Variants in TEX11 observed in about 807,000 individuals in gnomAD.
TEX11 encodes testis-expressed protein 11.
A neutral mutation model predicts 84.4 loss-of-function variants in TEX11; 7 were observed. That is an observed-to-expected ratio of 0.08 (90% CI 0.05 to 0.16). The LOEUF (loss-of-function observed/expected upper bound fraction) is 0.16, where lower values mean the gene tolerates loss of function less well. Ranked by LOEUF, TEX11 falls within the 10% of genes least tolerant of loss-of-function variation. The probability of loss-of-function intolerance (pLI) is 1.00; values close to 1 mark genes in which losing one functional copy is unlikely to be tolerated. For missense variants in TEX11, 551 were observed against 660.5 expected (o/e 0.83, Z 1.82); for synonymous variants, 264 against 222.8 (o/e 1.18, Z -1.64).
chrX:70,724,606 T>C (rs1040266821), intron 12 of TEX11, among the ~76,000 whole-genome samples: 1 of 111,442 alleles, frequency 9.0e-6, no homozygotes, highest in Non-Finnish European at 1.9e-5. Context: ...CTAGTGTGCA[T>C]AGTTTTGCTT....
In TEX11 at chrX:70,762,124, A is replaced by T. The variant is rs1348122119; in HGVS notation, c.693-17905T>A. On this transcript the variant is annotated intron_variant, in intron 9 of 29. Transcript: ENST00000374333. ...AGACAAACAAAAGCTGAGGAATTTC[A>T]TGAACACCAGACCTGTCCTGCAAGA... 5.4e-5 allele frequency among the ~76,000 whole-genome samples: 6 copies of T among 112,086 alleles called. No homozygotes were observed. The Admixed American group carries it at 5.7e-4, about 11-fold the overall frequency.
intron 16 of TEX11, among the ~76,000 whole-genome samples, chrX:70,657,146 AC>A (rs1171231704): frequency 8.9e-6 from 1 of 112,079 alleles, no homozygotes; most frequent in Non-Finnish European, 1.9e-5. Flanking sequence ...AATTTTTATA[AC>A]TTTATTTAAT....
chrX:70,599,041 T>C (rs1411200636), intron 24 of TEX11, among the ~76,000 whole-genome samples: 1 of 111,756 alleles, frequency 8.9e-6, no homozygotes. Context: ...GGGTGAATTA[T>C]AAGGTATGTG....
chrX:70,732,529 C>A (rs1338518810), intron 11 of TEX11, among the ~76,000 whole-genome samples: 1 of 111,617 alleles, frequency 9.0e-6, no homozygotes, highest in Non-Finnish European at 1.9e-5. Context: ...AGAGCCAAAT[C>A]ATGAGTGAAC....
At chrX:70,758,834 G>C (rs1237374566) in intron 9 of TEX11, among the ~76,000 whole-genome samples, 1 of 111,359 alleles carries the variant, frequency 9.0e-6, no homozygotes, top group African/African-American at 3.3e-5. Context: ...CCAGGAGCTG[G>C]TTTCTTGAAA....
chrX:70,574,664 T>C (rs73216776), intron 25 of TEX11, among the ~76,000 whole-genome samples: 14,083 of 111,315 alleles, frequency 0.13, 721 homozygotes, highest in Middle Eastern at 0.19. Context: ...TTAGGAGGTA[T>C]GGATAAAGAA....
intron 8 of TEX11, among the ~76,000 whole-genome samples, chrX:70,814,048 T>C (rs2091273275): frequency 9.0e-6 from 1 of 111,587 alleles, no homozygotes; most frequent in African/African-American, 3.3e-5. Flanking sequence ...ATAGATTCAA[T>C]GCCATCCCCA....
At position 70,529,708 on chromosome X, in the gene TEX11, T is replaced by C. The variant is rs1316125541; in HGVS notation, c.2685+127A>G. On this transcript the variant is annotated intron_variant, in intron 29 of 29. Coordinates refer to ENST00000374333, the MANE Select transcript of TEX11 (RefSeq NM_031276.3). ...TGATTCTTGAAGTTATGTGGAACCA[T>C]TGAGAGGAACAATGAGCAAGATCCT... 10 of 686,901 alleles carry C rather than the reference T, an allele frequency of 1.5e-5. No homozygotes were observed. In the African/African-American group the frequency reaches 1.5e-4, roughly 11 times the overall value. The allele number at this position is 686,901 out of a possible 1,213,427, so 56.6% of individuals were successfully genotyped here.
At chrX:70,804,987 T>C (rs2147806811) in intron 9 of TEX11, among the ~76,000 whole-genome samples, 1 of 102,581 alleles carries the variant, frequency 9.7e-6, no homozygotes, top group Admixed American at 1.1e-4. Context: ...TTTTTTTTTT[T>C]TTTTTTTGGA....
At chrX:70,577,255 A>G (rs1315150214) in intron 25 of TEX11, among the ~76,000 whole-genome samples, 3 of 111,735 alleles carry the variant, frequency 2.7e-5, no homozygotes, top group Non-Finnish European at 5.6e-5. Context: ...CTACATGAAA[A>G]TGGGATGGAA....
rs1307264130 is a variant in TEX11 at position 70,748,887 on chromosome X, T to A, written c.693-4668A>T. ...CCAGCTTTGTTCTTTTGGCTTAGGA[T>A]TGACTTGGCAATGCGGGCTCTTTTT... On this transcript the variant is annotated intron_variant, in intron 9 of 29. Transcript: ENST00000374333. 3.9e-5 allele frequency among the ~76,000 whole-genome samples: 4 copies of A among 102,255 alleles called. No individual in the cohort carries two copies. In the Admixed American group the frequency reaches 4.4e-4, roughly 11 times the overall value. The allele number at this position is 102,255 out of a possible 115,157, so 88.8% of individuals were successfully genotyped here.
At position 70,698,388 on chromosome X, in the gene TEX11, T is replaced by C. The variant is rs752827430; in HGVS notation, c.1005-15563A>G. 4.5e-5 allele frequency among the ~76,000 whole-genome samples: 5 copies of C among 110,353 alleles called. No individual in the cohort carries two copies. In the East Asian group the frequency reaches 8.5e-4, roughly 19 times the overall value. ...TAGAGCCAGAGAGCAGGAAAATATA[T>C]TGTCTTTGGTAAGAAACTTTAAAGA... On this transcript the variant is annotated intron_variant, in intron 13 of 29. Transcript: ENST00000374333.
intron 28 of TEX11, among the ~76,000 whole-genome samples, chrX:70,545,668 A>G (rs1397616502): frequency 8.9e-6 from 1 of 112,664 alleles, no homozygotes; most frequent in Non-Finnish European, 1.9e-5. Context: ...AATTTGTTAT[A>G]TCATTAACAA....
At chrX:70,758,037 A>G (rs2090880689) in intron 9 of TEX11, among the ~76,000 whole-genome samples, 1 of 112,075 alleles carries the variant, frequency 8.9e-6, no homozygotes, top group Admixed American at 9.5e-5. Context: ...AGGCCATTAC[A>G]TAATGGTAAA....
chrX:70,779,325 G>A (rs1330694626), intron 9 of TEX11, among the ~76,000 whole-genome samples: 5 of 101,718 alleles, frequency 4.9e-5, no homozygotes, highest in African/African-American at 1.8e-4. Context: ...TGAGGGAGGA[G>A]AATTGCTTGA....
chrX:70,563,593 T>G (rs1245940406), intron 25 of TEX11, among the ~76,000 whole-genome samples: 11 of 112,030 alleles, frequency 9.8e-5, no homozygotes, highest in Non-Finnish European at 2.1e-4. Context: ...TATCCATGTT[T>G]CATTCCCTGA....
intron 24 of TEX11, among the ~76,000 whole-genome samples, chrX:70,596,281 C>T (rs763566885): frequency 1.3e-4 from 15 of 111,572 alleles, no homozygotes; most frequent in Admixed American, 9.6e-4. Flanking sequence ...CACTATCAAC[C>T]TACTAGACCT....
At chrX:70,901,720 G>A (rs1189898549) in intron 2 of TEX11, among the ~76,000 whole-genome samples, 2 of 111,704 alleles carry the variant, frequency 1.8e-5, no homozygotes, top group Admixed American at 9.6e-5. Flanking sequence ...TTCCTAACAG[G>A]CCAGAGACAG....
chrX:70,743,176 G>A (rs184742368), intron 10 of TEX11, among the ~76,000 whole-genome samples: 68 of 112,020 alleles, frequency 6.1e-4, no homozygotes, highest in African/African-American at 2.0e-3. Context: ...TTCACTCAGC[G>A]TAGTCTCCTC....
Sources: allele counts gnomAD v4.1 joint callset (sites outside exome capture counted in the v4.1 genomes callset), GRCh38; gene constraint gnomAD v4.1.1; transcripts MANE v1.5; gene names NCBI Gene and HGNC (gene_info 2026-07-23, HGNC 2026-07-21).